The following RTN4R variants were observed in gnomAD, a reference collection of about 807,000 sequenced individuals.
RTN4R encodes reticulon-4 receptor.
In RTN4R, 4 loss-of-function variants were observed where a neutral mutation model predicts 27.7. The ratio of observed to expected loss-of-function variants is 0.14; its 90% CI spans 0.07 to 0.33. RTN4R has a LOEUF of 0.33. Among genes scored for constraint, RTN4R ranks in the 10% least tolerant of loss-of-function variants. The probability of loss-of-function intolerance (pLI) is 1.00; values close to 1 mark genes in which losing one functional copy is unlikely to be tolerated. For missense variants in RTN4R, 554 were observed against 671.5 expected (o/e 0.83, Z 1.93); for synonymous variants, 290 against 305.6 (o/e 0.95, Z 0.53).
rs190170632 is a variant in RTN4R, at chr22:20,265,559, T to A, written c.22+2512A>T. Among the ~76,000 whole-genome samples the A allele has an allele frequency of 6.8e-4, 103 of 152,270 alleles. No individual in the cohort carries two copies. The East Asian group carries it at 0.018, about 27-fold the overall frequency. ...CACGGGGAAACTGAGGCTCAGGGGT[T>A]CCACAGACCCCCAGGTGAGGAACAG... On this transcript the variant is annotated intron_variant, in intron 1 of 1. Transcript: ENST00000043402.
intron 1 of RTN4R, among the ~76,000 whole-genome samples, chr22:20,262,625 C>T (rs375197356): frequency 2.0e-5 from 3 of 152,348 alleles, no homozygotes; most frequent in African/African-American, 7.2e-5. Context: ...CAGCCCCCAC[C>T]CACTTCCTCC....
Position 20,242,967 on chromosome 22 carries a change from G to C in RTN4R, c.166C>G (p.Pro56Ala). ...AGGAAGATGCGCTGGCTGGCAGCAG[G>C]GATGCCCACGGGCACAGCCTGCAGG... The part of the protein sequence containing the change: ...QGLQAVPVGI[P>A]AASQRIFLHG... Residue 56 changes from proline to alanine, a missense_variant, in exon 2 of 2, where the codon CCT (proline) becomes GCT (alanine). By Grantham distance (27) the Pro-to-Ala change is conservative. This residue lies in a region of RTN4R where 413 missense variants were observed against 542.3 expected (regional missense o/e 0.76). Transcript: ENST00000043402. 1 of 1,611,824 alleles carries C rather than the reference G, an allele frequency of 6.2e-7. No homozygotes were observed. Among genetic ancestry groups the C allele is most frequent in the Non-Finnish European group, 8.5e-7 (1 of 1,179,714 alleles).
chr22:20,265,113 A>G (rs1010870664), intron 1 of RTN4R, among the ~76,000 whole-genome samples: 5 of 152,202 alleles, frequency 3.3e-5, no homozygotes, highest in Non-Finnish European at 7.4e-5. Flanking sequence ...TGTCCTCACC[A>G]GCTGGACCCT....
intron 1 of RTN4R, among the ~76,000 whole-genome samples, chr22:20,261,894 C>T (rs569121273): frequency 6.6e-6 from 1 of 152,364 alleles, no homozygotes; most frequent in South Asian, 2.1e-4. Context: ...GACCCTCTAG[C>T]CCAGGCCCTG....
In RTN4R at chr22:20,241,778, C is replaced by G. The variant is rs1228638682; in HGVS notation, c.1355G>C (p.Ser452Thr). ...CAGGGGGGTGAGGCTGCAGGTGAGG[C>G]TGGGTAGGGCACCTGAGCCTTCTGA... ...GDSEGSGALP[S>T]LTCSLTPLGL... The change falls in exon 2 of 2, where the codon AGC becomes ACC. Residue 452 changes from serine (S) to threonine (T), a missense_variant. This residue lies in a region of RTN4R where 141 missense variants were observed against 129.2 expected (regional missense o/e 1.09). Coordinates refer to ENST00000043402, the MANE Select transcript of RTN4R (RefSeq NM_023004.6). 1.3e-6 allele frequency: 2 copies of G among 1,557,318 alleles called. No individual in the cohort carries two copies. The highest frequency in any genetic ancestry group is 3.9e-5 in the Admixed American group (2 of 51,898).
chr22:20,248,166 C>A (rs895539826), intron 1 of RTN4R, among the ~76,000 whole-genome samples: 3 of 152,206 alleles, frequency 2.0e-5, no homozygotes, highest in African/African-American at 7.2e-5. Context: ...AATCCAAGGT[C>A]AAATCCAACC....
chr22:20,265,970 G>A (rs2145987523), intron 1 of RTN4R, among the ~76,000 whole-genome samples: 1 of 152,366 alleles, frequency 6.6e-6, no homozygotes, highest in Non-Finnish European at 1.5e-5. Context: ...ACCGCCAGCA[G>A]GTGGCTGAGC....
intron 1 of RTN4R, among the ~76,000 whole-genome samples, chr22:20,245,312 T>G (rs2051134119): frequency 6.6e-6 from 1 of 152,260 alleles, no homozygotes; most frequent in Non-Finnish European, 1.5e-5. Flanking sequence ...CTCTCCTCGC[T>G]GCAGCCATGG....
intron 1 of RTN4R, among the ~76,000 whole-genome samples, chr22:20,262,989 G>A (rs1444143006): frequency 2.0e-5 from 3 of 152,226 alleles, no homozygotes; most frequent in Non-Finnish European, 2.9e-5. Flanking sequence ...ACCCTGGCCT[G>A]AGCCCCTCCT....
rs1221870350 is a variant in RTN4R, at chr22:20,242,422, A to T, written c.711T>A (p.Asn237Lys). The change falls in exon 2 of 2, where the codon AAT becomes AAA. Residue 237 changes from asparagine (N) to lysine (K), a missense_variant. Physicochemically the swap from Asn to Lys is moderately conservative, Grantham distance 94 (BLOSUM62 0). Coordinates refer to ENST00000043402, the MANE Select transcript of RTN4R (RefSeq NM_023004.6). ...GGGCCTCAGTGGGCAGCGCTGATAG[A>T]TTGTTGGCAAACAGATAGAGTGTCA... is the stretch of plus-strand genomic sequence containing the variant. ...RLMTLYLFAN[N>K]LSALPTEALA... 6 of 1,613,160 alleles carry T rather than the reference A, an allele frequency of 3.7e-6. No homozygotes were observed. The African/African-American group carries it at 6.7e-5, about 18-fold the overall frequency.
At chr22:20,246,119 C>T (rs2051139698) in intron 1 of RTN4R, among the ~76,000 whole-genome samples, 1 of 152,226 alleles carries the variant, frequency 6.6e-6, no homozygotes, top group Non-Finnish European at 1.5e-5. Context: ...GCTGTCAGGG[C>T]TGGGTCATAG....
intron 1 of RTN4R, among the ~76,000 whole-genome samples, chr22:20,253,256 C>G (rs1569039103): frequency 6.6e-6 from 1 of 152,242 alleles, no homozygotes; most frequent in East Asian, 1.9e-4. Flanking sequence ...AGAAAGAAGG[C>G]TTGAGGACAG....
In RTN4R at chr22:20,241,416, T is replaced by G; in HGVS notation, c.*295A>C. On this transcript the variant is annotated 3_prime_UTR_variant, in exon 2 of 2. Transcript: ENST00000043402. ...CACCCTAGCCTGAGAGGCCACAGCT[T>G]AAGAAAAGAGCTCTTTATTCCACGT... The G allele has an allele frequency of 4.3e-6, 2 of 460,028 alleles. No homozygotes were observed. The highest frequency in any genetic ancestry group is 7.9e-6 in the Non-Finnish European group (2 of 253,552). 28.5% of individuals were successfully genotyped at this position (460,028 alleles called of 1,614,324 possible). A position where few individuals can be genotyped will look rare whatever the true frequency, so the allele number is the denominator to read the frequency against.
In RTN4R at chr22:20,241,871, C is replaced by A. The variant is rs774729089; in HGVS notation, c.1262G>T (p.Arg421Leu). 3 of 1,609,018 alleles carry A rather than the reference C, an allele frequency of 1.9e-6. No individual in the cohort carries two copies. In the South Asian group the frequency reaches 3.3e-5, roughly 18 times the overall value. Residue 421 changes from arginine (R) to leucine (L), a missense_variant, in exon 2 of 2, where the codon CGC (arginine) becomes CTC (leucine). Around this residue, in one of 2 missense-constraint regions of RTN4R, gnomAD observed 141 missense variants for 129.2 expected, o/e 1.09. Coordinates refer to ENST00000043402, the MANE Select transcript of RTN4R (RefSeq NM_023004.6). ...SGPRRRPGCS[R>L]KNRTRSHCRL... ...GCAGTGGCTGCGGGTGCGGTTCTTG[C>A]GTGAACAGCCTGGCCTCCGGCGAGG... is the stretch of plus-strand genomic sequence containing the variant.
intron 1 of RTN4R, among the ~76,000 whole-genome samples, chr22:20,248,009 A>T (rs958269231): frequency 1.3e-5 from 2 of 152,134 alleles, no homozygotes; most frequent in South Asian, 2.1e-4. Context: ...AGACAACGAG[A>T]TGTAGGTAGG....
intron 1 of RTN4R, among the ~76,000 whole-genome samples, chr22:20,260,199 T>C (rs985535534): frequency 6.6e-6 from 1 of 152,038 alleles, no homozygotes; most frequent in Admixed American, 6.5e-5. Context: ...AGGGGGCTCA[T>C]CTGTAGCCCC....
chr22:20,253,471 A>T (rs528161759), intron 1 of RTN4R, among the ~76,000 whole-genome samples: 17 of 152,326 alleles, frequency 1.1e-4, no homozygotes, highest in African/African-American at 3.8e-4. Flanking sequence ...AGTGGGGAGC[A>T]CAGTGGCAGG....
intron 1 of RTN4R, among the ~76,000 whole-genome samples, chr22:20,250,069 G>A (rs572410191): frequency 6.6e-6 from 1 of 152,312 alleles, no homozygotes; most frequent in African/African-American, 2.4e-5. Flanking sequence ...GTGGGATCCA[G>A]CACTCCCCAG....
chr22:20,243,365 C>T, intron 1 of RTN4R: 2 of 698,514 alleles, frequency 2.9e-6, no homozygotes, highest in Non-Finnish European at 5.4e-6. Flanking sequence ...CTCCCCATAC[C>T]ACACCCAGGA....
Sources: gnomAD v4.1 joint callset for allele counts (sites outside exome capture counted in the v4.1 genomes callset) on GRCh38, gnomAD v4.1.1 for gene constraint, gnomAD v4.1.1 regional missense constraint, MANE v1.5 for transcripts, NCBI Gene and HGNC (gene_info 2026-07-23, HGNC 2026-07-21) for gene names.